ALK: variants seen among roughly 807,000 people sequenced by gnomAD.
The protein encoded by ALK is ALK receptor tyrosine kinase.
In ALK, 74 loss-of-function variants were observed where a neutral mutation model predicts 163.1. The observed-to-expected ratio is 0.45, with a 90% CI of 0.38 to 0.55. The LOEUF (loss-of-function observed/expected upper bound fraction) is 0.55. Among genes scored for constraint, ALK ranks in the 20% least tolerant of loss-of-function variants. The pLI is 0.00. For missense variants in ALK, 2,063 were observed against 2,105.3 expected (o/e 0.98, Z 0.39); for synonymous variants, 960 against 843.2 (o/e 1.14, Z -2.40).
intron 4 of ALK, among the ~76,000 whole-genome samples, chr2:29,491,366 G>A (rs967487023): frequency 2.0e-5 from 3 of 152,170 alleles, no homozygotes; most frequent in African/African-American, 7.2e-5. Flanking sequence ...TTGATTGCAT[G>A]AATGAATGAA....
chr2:29,308,530 T>C (rs1010700272), intron 8 of ALK, among the ~76,000 whole-genome samples: 1 of 152,232 alleles, frequency 6.6e-6, no homozygotes, highest in Non-Finnish European at 1.5e-5. Flanking sequence ...GTGCCTGTAC[T>C]CTAGGCTTTG....
chr2:29,569,511 G>C (rs973801615), intron 3 of ALK, among the ~76,000 whole-genome samples: 1 of 152,106 alleles, frequency 6.6e-6, no homozygotes, highest in Non-Finnish European at 1.5e-5. Flanking sequence ...ACCTAACACA[G>C]AATATGACTC....
intron 4 of ALK, among the ~76,000 whole-genome samples, chr2:29,398,248 C>G (rs1236704753): frequency 2.0e-5 from 3 of 152,142 alleles, no homozygotes; most frequent in Admixed American, 2.0e-4. Flanking sequence ...AGCCCCAAAC[C>G]CTCAGGATCA....
At chr2:29,730,674 C>T (rs1679716513) in intron 1 of ALK, among the ~76,000 whole-genome samples, 1 of 152,186 alleles carries the variant, frequency 6.6e-6, no homozygotes, top group African/African-American at 2.4e-5. Flanking sequence ...CATATCATGA[C>T]ACACAGAGAA....
intron 8 of ALK, among the ~76,000 whole-genome samples, chr2:29,317,910 T>C (rs913256852): frequency 2.0e-5 from 3 of 152,260 alleles, no homozygotes; most frequent in Non-Finnish European, 4.4e-5. Context: ...TAGTGAAATT[T>C]ATGTAAATCA....
intron 5 of ALK, among the ~76,000 whole-genome samples, chr2:29,365,754 C>T (rs992058634): frequency 7.2e-5 from 11 of 152,082 alleles, no homozygotes; most frequent in Non-Finnish European, 1.0e-4. Flanking sequence ...TCTTTATCTC[C>T]CATCATAACT....
chr2:29,280,138 G>A (rs1001344719), intron 9 of ALK, among the ~76,000 whole-genome samples: 1 of 152,120 alleles, frequency 6.6e-6, no homozygotes, highest in African/African-American at 2.4e-5. Context: ...TCATGTATGA[G>A]GTGGCCCACT....
intron 4 of ALK, among the ~76,000 whole-genome samples, chr2:29,510,171 C>G (rs11904476): frequency 6.6e-6 from 1 of 152,018 alleles, no homozygotes; most frequent in Non-Finnish European, 1.5e-5. Context: ...GAAGCTGACT[C>G]CATTTCTTTC....
intron 4 of ALK, among the ~76,000 whole-genome samples, chr2:29,522,832 T>C (rs1672851465): frequency 6.6e-6 from 1 of 152,160 alleles, no homozygotes; most frequent in Non-Finnish European, 1.5e-5. Context: ...AAAATAGTTG[T>C]ATGCACAGAT....
intron 1 of ALK, among the ~76,000 whole-genome samples, chr2:29,810,059 G>A (rs530921397): frequency 1.3e-5 from 2 of 152,294 alleles, no homozygotes; most frequent in South Asian, 4.1e-4. Flanking sequence ...GTGTCAAGAT[G>A]GTGGTGTTTT....
intron 5 of ALK, among the ~76,000 whole-genome samples, chr2:29,336,947 G>A (rs1667632676): frequency 6.6e-6 from 1 of 152,080 alleles, no homozygotes; most frequent in African/African-American, 2.4e-5. Context: ...ACGACACGTG[G>A]GGGAACCTGG....
At chr2:29,260,520 T>C (rs1375750018) in intron 11 of ALK, among the ~76,000 whole-genome samples, 2 of 152,186 alleles carry the variant, frequency 1.3e-5, no homozygotes, top group African/African-American at 4.8e-5. Context: ...CCTCTACTCC[T>C]TTTTTTAATA....
chr2:29,878,620 T>C (rs780317650), intron 1 of ALK, among the ~76,000 whole-genome samples: 10 of 152,174 alleles, frequency 6.6e-5, no homozygotes, highest in African/African-American at 9.7e-5. Context: ...GAGGTCACTA[T>C]TGGGGCTTAG....
At chr2:29,813,795 C>T (rs1239960983) in intron 1 of ALK, among the ~76,000 whole-genome samples, 4 of 152,152 alleles carry the variant, frequency 2.6e-5, no homozygotes, top group African/African-American at 7.2e-5. Context: ...AATTGTGTGG[C>T]AAATAGCATC....
chr2:29,852,389 C>G (rs1237669781), intron 1 of ALK, among the ~76,000 whole-genome samples: 1 of 152,134 alleles, frequency 6.6e-6, no homozygotes, highest in African/African-American at 2.4e-5. Context: ...GACTAGCAGC[C>G]CCACTCACCA....
At chr2:29,870,472 C>G (rs1160348690) in intron 1 of ALK, among the ~76,000 whole-genome samples, 3 of 152,146 alleles carry the variant, frequency 2.0e-5, no homozygotes, top group African/African-American at 7.2e-5. Context: ...CCAGTCACCT[C>G]CCACTAGGCC....
intron 2 of ALK, among the ~76,000 whole-genome samples, chr2:29,710,658 G>C (rs1409498611): frequency 6.6e-6 from 1 of 152,134 alleles, no homozygotes; most frequent in Non-Finnish European, 1.5e-5. Flanking sequence ...TAAGGCTACA[G>C]GCACATGTGC....
In ALK at chr2:29,580,415, C is replaced by T. The variant is rs550340229; in HGVS notation, c.953-48299G>A. Among the ~76,000 whole-genome samples, 34 of 152,280 alleles carry T rather than the reference C, an allele frequency of 2.2e-4. No homozygotes were observed. The South Asian group carries it at 2.9e-3, about 13-fold the overall frequency. On this transcript the variant is annotated intron_variant, in intron 3 of 28. Coordinates refer to ENST00000389048, the MANE Select transcript of ALK (RefSeq NM_004304.5). Reference sequence around the variant, plus strand: ...TCTCTGTAATGCACAGGAGCCAAACCGCAAGGCCACCGCTGGCATCTGAGC... The same window carrying T: ...TCTCTGTAATGCACAGGAGCCAAACTGCAAGGCCACCGCTGGCATCTGAGC...
At chr2:29,438,479 T>C (rs1370327557) in intron 4 of ALK, among the ~76,000 whole-genome samples, 1 of 152,208 alleles carries the variant, frequency 6.6e-6, no homozygotes, top group African/African-American at 2.4e-5. Flanking sequence ...TGGAATATCT[T>C]TCAGAAGCAT....
Sources: allele counts gnomAD v4.1 joint callset (sites outside exome capture counted in the v4.1 genomes callset), GRCh38; gene constraint gnomAD v4.1.1; transcripts MANE v1.5; gene names NCBI Gene and HGNC (gene_info 2026-07-23, HGNC 2026-07-21).